GSDME: variants seen among roughly 807,000 people sequenced by gnomAD.
The protein encoded by GSDME is gasdermin E.
GSDME carries 44 observed loss-of-function variants against 47.5 expected under a neutral mutation model. The observed-to-expected ratio is 0.93, with a 90% CI of 0.73 to 1.19. The LOEUF (loss-of-function observed/expected upper bound fraction) is 1.19, where lower values mean the gene tolerates loss of function less well. Ranked by LOEUF, GSDME falls within the 50% of genes most tolerant of loss-of-function variation. The pLI is 0.00. For synonymous variants in GSDME, 258 were observed against 252.8 expected (o/e 1.02, Z -0.20); for missense variants, 663 against 604.2 (o/e 1.10, Z -1.02).
chr7:24,790,295 G>A, the GSDME span, among the ~76,000 whole-genome samples: 1 of 152,208 alleles, frequency 6.6e-6, no homozygotes, highest in Non-Finnish European at 1.5e-5. The surrounding 1 kb of genome is among the most constrained non-coding windows in gnomAD (Gnocchi z 4.1). Context: ...GGGTGAGCAT[G>A]TAAATGGGGG....
At chr7:24,770,502 T>C in the GSDME span, among the ~76,000 whole-genome samples, 1 of 152,130 alleles carries the variant, frequency 6.6e-6, no homozygotes, top group Admixed American at 6.6e-5. The surrounding 1 kb of genome is among the most constrained non-coding windows in gnomAD (Gnocchi z 4.6). Context: ...TGTGGGTTAC[T>C]TGGAAACCTG....
chr7:24,738,660 T>C (rs1034717691), intron 3 of GSDME, among the ~76,000 whole-genome samples: 15 of 152,184 alleles, frequency 9.9e-5, no homozygotes, highest in African/African-American at 3.6e-4. Context: ...CCACAAAAGA[T>C]GCAGAATAGC....
At chr7:24,784,626 C>T in the GSDME span, among the ~76,000 whole-genome samples, 6 of 124,288 alleles carry the variant, frequency 4.8e-5, no homozygotes, top group South Asian at 2.8e-4. Flanking sequence ...TTTCTTCTTC[C>T]TTTTTTTTTT....
chr7:24,783,389 T>A, the GSDME span, among the ~76,000 whole-genome samples: 4 of 151,960 alleles, frequency 2.6e-5, no homozygotes, highest in African/African-American at 9.7e-5. Context: ...ATTTATGGAG[T>A]GAATGCTCCA....
rs941121185 is a variant in GSDME, at chr7:24,698,613, T to C, written c.*413A>G. The C allele has an allele frequency of 3.5e-6, 1 of 286,586 alleles. No individual in the cohort carries two copies. The highest frequency in any genetic ancestry group is 2.2e-5 in the African/African-American group (1 of 45,300). The allele number at this position is 286,586 out of a possible 1,614,324, so 17.8% of individuals were successfully genotyped here. ...ATCACTTCCAAAACGTAGCCTCTTGTGTGCAGAGAAATTGCCTTCCCACAG... is the reference window on the plus strand; with the variant it reads ...ATCACTTCCAAAACGTAGCCTCTTGCGTGCAGAGAAATTGCCTTCCCACAG... On this transcript the variant is annotated 3_prime_UTR_variant, in exon 10 of 10. Coordinates refer to ENST00000645220, the MANE Select transcript of GSDME (RefSeq NM_001127453.2).
chr7:24,709,059 T>C (rs1018130408), intron 6 of GSDME, among the ~76,000 whole-genome samples: 4 of 152,216 alleles, frequency 2.6e-5, no homozygotes, highest in African/African-American at 9.6e-5. Flanking sequence ...CGATTCCAAC[T>C]AGCAGTTGTA....
Position 24,717,351 on chromosome 7 carries a change from A to C in GSDME, c.600T>G (p.Asn200Lys). 1 of 1,614,168 alleles carries C rather than the reference A, an allele frequency of 6.2e-7. No individual in the cohort carries two copies. Among genetic ancestry groups the C allele is most frequent in the Non-Finnish European group, 8.5e-7 (1 of 1,180,030 alleles). The part of the protein sequence containing the change: ...TVQVSATEDG[N>K]VTKDSNVVLE... ...GCACCACGTTGGAGTCCTTGGTGACATTCCCATCCTCCGTCGCTGACACCT... is the reference window on the plus strand; with the variant it reads ...GCACCACGTTGGAGTCCTTGGTGACCTTCCCATCCTCCGTCGCTGACACCT... The change falls in exon 5 of 10, where the codon AAT becomes AAG. Residue 200 changes from asparagine to lysine, a missense_variant. Coordinates refer to ENST00000645220, the MANE Select transcript of GSDME (RefSeq NM_001127453.2).
chr7:24,762,343 A>G (rs1325572028), upstream of GSDME, among the ~76,000 whole-genome samples: 2 of 152,204 alleles, frequency 1.3e-5, no homozygotes, highest in Non-Finnish European at 2.9e-5. Flanking sequence ...ATGGAGAAAC[A>G]TACGTTATTA....
the GSDME span, among the ~76,000 whole-genome samples, chr7:24,783,426 C>T: frequency 6.6e-6 from 1 of 152,202 alleles, no homozygotes; most frequent in Non-Finnish European, 1.5e-5. Context: ...GCGATCCCCA[C>T]AACTACCCTC....
At chr7:24,748,237 G>A (rs1265393202) in intron 2 of GSDME, among the ~76,000 whole-genome samples, 1 of 148,736 alleles carries the variant, frequency 6.7e-6, no homozygotes, top group Non-Finnish European at 1.5e-5. Context: ...TTGGCTCACT[G>A]CAACTTCTGC....
At chr7:24,713,258 C>T (rs753901517) in intron 5 of GSDME, among the ~76,000 whole-genome samples, 23 of 152,116 alleles carry the variant, frequency 1.5e-4, no homozygotes, top group South Asian at 4.1e-4. Context: ...TCGGGAGACA[C>T]GGCTGCTCCT....
upstream of GSDME, among the ~76,000 whole-genome samples, chr7:24,761,958 A>T (rs547430252): frequency 3.3e-5 from 5 of 152,322 alleles, no homozygotes; most frequent in South Asian, 1.0e-3. The surrounding 1 kb of genome is among the most constrained non-coding windows in gnomAD (Gnocchi z 4.4). Flanking sequence ...TTCATGAAAG[A>T]AAGTGGCATT....
At position 24,732,420 on chromosome 7, in the gene GSDME, C is replaced by A. The variant is rs1790174562; in HGVS notation, c.404+12142G>T. ...CCCGTGATTGTTCTCCCCACAGGAA[C>A]ACCAAAGTCAACAACTATCTATATA... is the stretch of plus-strand genomic sequence containing the variant. On this transcript the variant is annotated intron_variant, in intron 3 of 9. Transcript: ENST00000645220. The surrounding 1 kb of genome is among the most constrained non-coding windows in gnomAD (Gnocchi z 4.8). Among the ~76,000 whole-genome samples the A allele has an allele frequency of 6.6e-6, 1 of 152,210 alleles. No homozygotes were observed. Among genetic ancestry groups the A allele is most frequent in the African/African-American group, 2.4e-5 (1 of 41,448 alleles).
At chr7:24,753,140 G>A (rs1177902077) in intron 1 of GSDME, among the ~76,000 whole-genome samples, 1 of 152,110 alleles carries the variant, frequency 6.6e-6, no homozygotes, top group African/African-American at 2.4e-5. Context: ...TATTCTCCTG[G>A]TGAAGTTAAA....
At chr7:24,743,456 A>C (rs901873466) in intron 3 of GSDME, among the ~76,000 whole-genome samples, 1 of 152,174 alleles carries the variant, frequency 6.6e-6, no homozygotes, top group Non-Finnish European at 1.5e-5. Context: ...TTACTGCAAT[A>C]ACTTCTCAAC....
At chr7:24,706,023 C>G (rs1044276216) in intron 8 of GSDME, 161 bp downstream of exon 8, 1 of 872,642 alleles carries the variant, frequency 1.1e-6, no homozygotes, top group Non-Finnish European at 1.8e-6. Context: ...GGGGGGTTTC[C>G]CATCAGCCTC....
At chr7:24,781,625 T>C in the GSDME span, among the ~76,000 whole-genome samples, 1 of 152,196 alleles carries the variant, frequency 6.6e-6, no homozygotes, top group East Asian at 1.9e-4. Flanking sequence ...CAAAGAGCGT[T>C]TGTTTATGTG....
intron 7 of GSDME, chr7:24,707,735 G>A: frequency 2.3e-6 from 1 of 428,158 alleles, no homozygotes; most frequent in Non-Finnish European, 4.2e-6. Flanking sequence ...AGCAGAGGCT[G>A]GAGTGCTGCT....
At chr7:24,707,656 G>T in intron 7 of GSDME, 1 of 358,436 alleles carries the variant, frequency 2.8e-6, no homozygotes, top group Non-Finnish European at 5.3e-6. Flanking sequence ...CAATGATGGT[G>T]TCTTTATAAC....
Sources: allele counts gnomAD v4.1 joint callset (sites outside exome capture counted in the v4.1 genomes callset), GRCh38; gene constraint gnomAD v4.1.1; non-coding constraint Gnocchi (gnomAD v3.1); transcripts MANE v1.5; gene names NCBI Gene and HGNC (gene_info 2026-07-23, HGNC 2026-07-21).